The following PPOX variants were observed in gnomAD, a reference collection of about 807,000 sequenced individuals.
The protein encoded by PPOX is variegate porphyria.
Under a neutral mutation model 54.1 loss-of-function variants are expected in PPOX, and 23 were observed. That is an observed-to-expected ratio of 0.43 (90% CI 0.31 to 0.60). The LOEUF is 0.60. Ranked by LOEUF, PPOX falls within the 20% of genes least tolerant of loss-of-function variation. The pLI is 0.13. For missense variants in PPOX, 512 were observed against 601.1 expected, an observed-to-expected ratio of 0.85 and a Z score of 1.55; for synonymous variants, 224 against 236.1, an observed-to-expected ratio of 0.95 and a Z score of 0.47.
intron 4 of PPOX, chr1:161,176,569 T>C (rs1663604084): frequency 4.1e-6 from 2 of 489,594 alleles, no homozygotes; most frequent in Admixed American, 3.5e-5. Flanking sequence ...CAGCAGCGAA[T>C]CTGGGACCAG....
downstream of PPOX, chr1:161,177,262 C>T (rs1420445378): frequency 3.3e-6 from 2 of 612,036 alleles, no homozygotes; most frequent in East Asian, 2.8e-5. Context: ...TTTGCCCTAC[C>T]TACTAGCAAC....
exon 5 of PPOX, chr1:161,176,990 C>T: frequency 6.5e-7 from 1 of 1,536,060 alleles, no homozygotes; most frequent in Non-Finnish European, 8.7e-7. Context: ...GGACCGTGAC[C>T]ACCTGGGGGC....
chr1:161,166,150 G>A, upstream of PPOX: 2 of 985,176 alleles, frequency 2.0e-6, no homozygotes, highest in Non-Finnish European at 2.4e-6. Flanking sequence ...CTTCCCTCTA[G>A]GGTTGTCACC....
chr1:161,176,126 CAG>C (rs548949310), downstream of PPOX: 10,378 of 1,585,380 alleles, frequency 6.5e-3, 64 homozygotes, highest in Non-Finnish European at 8.5e-3. Flanking sequence ...AGCAAGCCAG[CAG>C]AGAGGTCAGT....
intron 4 of PPOX, chr1:161,176,679 T>C: frequency 1.7e-6 from 1 of 604,460 alleles, no homozygotes; most frequent in East Asian, 2.8e-5. Context: ...AGGAAAGTGG[T>C]TGGAAAGGAA....
downstream of PPOX, chr1:161,174,898 TA>T (rs958474905): frequency 5.6e-5 from 75 of 1,348,034 alleles, no homozygotes; most frequent in Admixed American, 1.1e-3. Context: ...TTCTTAAAAT[TA>T]TTCTAGGGAC....
rs537260324 is a variant in PPOX at position 161,170,569 on chromosome 1, T to C, written c.1098+50T>C. On this transcript the variant is annotated intron_variant, in intron 10 of 12. Transcript: ENST00000367999. ...GTGGCATTTCCAGAGGGCTCCTCTG[T>C]GCTCCATTGTAGGCAAGGCCAGACT... The C allele has an allele frequency of 1.7e-5, 28 of 1,614,132 alleles. No individual in the cohort carries two copies. The South Asian group carries it at 3.0e-4, about 17-fold the overall frequency.
rs1658996960 is a variant in PPOX at position 161,166,619 on chromosome 1, C to G, written c.-62C>G. On this transcript the variant is annotated 5_prime_UTR_variant, in exon 1 of 13. Coordinates refer to ENST00000367999, the MANE Select transcript of PPOX (RefSeq NM_001122764.3). ...CAGCAGAGCGCCGGCGGGGTACGGT[C>G]TTAGGACCTCGATCTCCTTCTCCCT... 9.6e-6 allele frequency: 14 copies of G among 1,459,494 alleles called. No homozygotes were observed. The highest frequency in any genetic ancestry group is 1.4e-5 in the African/African-American group (1 of 70,900). The allele number at this position is 1,459,494 out of a possible 1,614,324, so 90.4% of individuals were successfully genotyped here.
At chr1:161,173,741 G>C, downstream of PPOX, 1 of 1,614,072 alleles carries the variant, frequency 6.2e-7, no homozygotes, top group Non-Finnish European at 8.5e-7. Flanking sequence ...GGGAGAGAAA[G>C]ATCCTTGCAT....
At chr1:161,166,384 T>G, upstream of PPOX, 1 of 1,058,072 alleles carries the variant, frequency 9.5e-7, no homozygotes, top group Non-Finnish European at 1.1e-6. Flanking sequence ...CCAATCCAGA[T>G]GTAGGAGAGG....
At position 161,167,232 on chromosome 1, in the gene PPOX, CT is replaced by C; in HGVS notation, c.221del (p.Leu74ArgfsTer58). 1 of 1,614,156 alleles carries C rather than the reference CT, an allele frequency of 6.2e-7. No individual in the cohort carries two copies. Among genetic ancestry groups the C allele is most frequent in the Non-Finnish European group, 8.5e-7 (1 of 1,180,016 alleles). On this transcript the variant is annotated frameshift_variant and splice_region_variant, in exon 3 of 13. Coordinates refer to ENST00000367999, the MANE Select transcript of PPOX (RefSeq NM_001122764.3). LOFTEE classifies it high-confidence loss of function. ...AGALGARTLL[L>X]VSELGLDSEV... Reference sequence around the variant, plus strand: ...AGCCCTAGGGGCCCGGACCTTGCTCCTGGTGAGAGGCTTGTGGGATGTCTAG... The same window carrying C: ...AGCCCTAGGGGCCCGGACCTTGCTCCGGTGAGAGGCTTGTGGGATGTCTAG...
At chr1:161,173,769 G>A, downstream of PPOX, 1 of 1,613,044 alleles carries the variant, frequency 6.2e-7, no homozygotes, top group Non-Finnish European at 8.5e-7. Context: ...GTCTTCTGGG[G>A]ACACATCCCC....
chr1:161,170,589 C>T (rs1458272517), intron 10 of PPOX, 31 bp from the exon 11 acceptor site: 4 of 1,614,174 alleles, frequency 2.5e-6, no homozygotes, highest in Non-Finnish European at 3.4e-6. Flanking sequence ...TAGGCAAGGC[C>T]AGACTGATCA....
At chr1:161,168,320 A>C in intron 5 of PPOX, 112 bp from the exon 6 acceptor site, 1 of 1,572,268 alleles carries the variant, frequency 6.4e-7, no homozygotes, top group Admixed American at 1.7e-5. Flanking sequence ...CACAGTGGGA[A>C]TGTCCCCCAA....
chr1:161,166,418 A>G, upstream of PPOX: 1 of 1,123,842 alleles, frequency 8.9e-7, no homozygotes, highest in East Asian at 6.3e-5. Flanking sequence ...GTGCCGCGAG[A>G]ACAGAGTGGA....
At chr1:161,168,757 G>A (rs1462690188) in intron 6 of PPOX, among the ~76,000 whole-genome samples, 181 bp downstream of exon 6, 1 of 152,164 alleles carries the variant, frequency 6.6e-6, no homozygotes, top group Non-Finnish European at 1.5e-5. Flanking sequence ...CCGCCTCCCA[G>A]ATTCAAGCAA....
downstream of PPOX, chr1:161,176,190 A>T: frequency 8.6e-7 from 1 of 1,166,364 alleles, no homozygotes; most frequent in Non-Finnish European, 1.2e-6. Context: ...CAGAAAACAA[A>T]GTCACAGAAG....
intron 10 of PPOX, 43 bp downstream of exon 10, chr1:161,170,562 TC>T (rs1184485455): frequency 6.2e-7 from 1 of 1,613,966 alleles, no homozygotes; most frequent in African/African-American, 1.3e-5. Context: ...TCCAGAGGGC[TC>T]CTCTGTGCTC....
downstream of PPOX, chr1:161,173,888 A>G: frequency 1.2e-6 from 2 of 1,614,156 alleles, no homozygotes; most frequent in Non-Finnish European, 1.7e-6. Context: ...TAGCAACGGC[A>G]ACATGGCGGG....
Sources: gnomAD v4.1 joint callset for allele counts (sites outside exome capture counted in the v4.1 genomes callset) on GRCh38, gnomAD v4.1.1 for gene constraint, MANE v1.5 for transcripts, NCBI Gene and HGNC (gene_info 2026-07-23, HGNC 2026-07-21) for gene names.